The following SUB1 variants were observed in gnomAD, a reference collection of about 807,000 sequenced individuals.
SUB1 encodes SUB1 regulator of transcription.
SUB1 carries 1 observed loss-of-function variant against 16.9 expected under a neutral mutation model. That is an observed-to-expected ratio of 0.06 (90% CI 0.02 to 0.28). The LOEUF is 0.28. Among genes scored for constraint, SUB1 ranks in the 10% least tolerant of loss-of-function variants. The pLI, the probability that SUB1 is intolerant of heterozygous loss-of-function variation, is 1.00. For missense variants in SUB1, 84 were observed against 145.2 expected (o/e 0.58, Z 2.16); for synonymous variants, 51 against 46.9 (o/e 1.09, Z -0.36).
chr5:32,595,290 G>A (rs895355345), intron 3 of SUB1: 1 of 151,980 alleles, frequency 6.6e-6, no homozygotes, highest in Non-Finnish European at 1.5e-5. Flanking sequence ...ACACGCCTTT[G>A]TGGCCAGACC....
At chr5:32,587,206 C>T (rs1425085493) in intron 1 of SUB1, among the ~76,000 whole-genome samples, 1 of 151,968 alleles carries the variant, frequency 6.6e-6, no homozygotes, top group Non-Finnish European at 1.5e-5. Context: ...AAATTGCAAC[C>T]TCTGGCATAA....
intron 3 of SUB1, 74 bp from the exon 4 acceptor site, chr5:32,598,887 G>C (rs1320635818): frequency 8.6e-7 from 1 of 1,162,030 alleles, no homozygotes; most frequent in Admixed American, 2.0e-5. Context: ...GCAGCAAGTT[G>C]TGAATATGAA....
chr5:32,587,967 C>G (rs187818955), intron 1 of SUB1, among the ~76,000 whole-genome samples: 127 of 152,002 alleles, frequency 8.4e-4, no homozygotes, highest in African/African-American at 2.9e-3. Context: ...TTTGGTGATA[C>G]GGCCAAAAAG....
In SUB1 at chr5:32,602,535, A is replaced by G. The variant is rs1253219453; in HGVS notation, c.*1451A>G. 5.9e-6 allele frequency: 1 copy of G among 170,614 alleles called. No individual in the cohort carries two copies. Among genetic ancestry groups the G allele is most frequent in the Non-Finnish European group, 1.3e-5 (1 of 78,284 alleles). The allele number at this position is 170,614 out of a possible 1,614,324, so 10.6% of individuals were successfully genotyped here. On this transcript the variant is annotated 3_prime_UTR_variant, in exon 5 of 5. Transcript: ENST00000265073. The stretch of plus-strand genomic sequence containing the variant: ...TTGCACTATTTTGCTACCAAGTTTG[A>G]TTCATACATCTAAAACATTTTGTAG...
Position 32,602,390 on chromosome 5 carries a change from T to G in SUB1, c.*1306T>G. 1 of 274,290 alleles carries G rather than the reference T, an allele frequency of 3.6e-6. No individual in the cohort carries two copies. Among genetic ancestry groups the G allele is most frequent in the Non-Finnish European group, 7.4e-6 (1 of 135,972 alleles). The allele number at this position is 274,290 out of a possible 1,614,324, so 17.0% of individuals were successfully genotyped here. On this transcript the variant is annotated 3_prime_UTR_variant, in exon 5 of 5. Coordinates refer to ENST00000265073, the MANE Select transcript of SUB1 (RefSeq NM_006713.4). The stretch of plus-strand genomic sequence containing the variant: ...TTTTTATAACAGCAGTGGAACACAA[T>G]TCTAGGTAGAGTAGAAAAAGGAAAG...
At chr5:32,588,441 A>T in intron 1 of SUB1, 71 bp from the exon 2 acceptor site, 1 of 1,366,134 alleles carries the variant, frequency 7.3e-7, no homozygotes, top group Admixed American at 2.2e-5. Flanking sequence ...TTTTTCTTTG[A>T]TTGGGGGAGA....
At chr5:32,590,762 A>ATTTT (rs70961652) in intron 2 of SUB1, among the ~76,000 whole-genome samples, 1,374 of 33,946 alleles carry the variant, frequency 0.04, 305 homozygotes, top group African/African-American at 0.13. Context: ...CGCCTGGCTA[A>ATTTT]TTTTTTTTTT....
At chr5:32,594,960 A>G (rs1445321398) in intron 3 of SUB1, 2 of 153,886 alleles carry the variant, frequency 1.3e-5, no homozygotes, top group African/African-American at 2.4e-5. Context: ...TGTATATGCT[A>G]TTTTTTGCTG....
In SUB1 at chr5:32,599,744, T is replaced by C. The variant is rs559303804; in HGVS notation, c.304+675T>C. Among the ~76,000 whole-genome samples, 373 of 152,268 alleles carry C rather than the reference T, an allele frequency of 2.4e-3. 1 individual carries two copies. The highest frequency in any genetic ancestry group is 8.5e-3 in the African/African-American group (353 of 41,562). ...AACTCAGCCTCTATATGTGTTTATA[T>C]GCTTTCATATTTTCTTCAAGTCACT... On this transcript the variant is annotated intron_variant, in intron 4 of 4. Coordinates refer to ENST00000265073, the MANE Select transcript of SUB1 (RefSeq NM_006713.4).
At chr5:32,591,532 G>A in intron 2 of SUB1, 31 bp from the exon 3 acceptor site, 2 of 1,567,728 alleles carry the variant, frequency 1.3e-6, no homozygotes, top group Non-Finnish European at 1.7e-6. Context: ...TTATTTTTAT[G>A]TGTGCAAATT....
intron 4 of SUB1, among the ~76,000 whole-genome samples, chr5:32,599,587 T>C (rs547831329): frequency 4.6e-5 from 7 of 152,230 alleles, no homozygotes; most frequent in South Asian, 2.1e-4. Flanking sequence ...CCTAAATTTG[T>C]ATATTTGGAT....
intron 3 of SUB1, 171 bp from the exon 4 acceptor site, chr5:32,598,790 G>T: frequency 2.3e-6 from 1 of 428,276 alleles, no homozygotes. Flanking sequence ...AAAAAAATAT[G>T]CATATAAGTG....
intron 3 of SUB1, among the ~76,000 whole-genome samples, chr5:32,592,715 A>G (rs1170978179): frequency 6.6e-6 from 1 of 152,192 alleles, no homozygotes; most frequent in African/African-American, 2.4e-5. Flanking sequence ...TGTGATTGAA[A>G]AAAAAAATGG....
chr5:32,603,710 T>C lies in SUB1; in HGVS notation c.*2626T>C, dbSNP rs535201598. The C allele has an allele frequency of 1.3e-5, 2 of 152,338 alleles. No homozygotes were observed. Among genetic ancestry groups the C allele is most frequent in the Middle Eastern group, 6.8e-3 (2 of 294 alleles). The allele number at this position is 152,338 out of a possible 1,614,324, so 9.4% of individuals were successfully genotyped here. A position where few individuals can be genotyped will look rare whatever the true frequency, so the allele number is the denominator to read the frequency against. Reference sequence around the variant, plus strand: ...ACTTGGGTGAAAAATGAAATAAGTATATTCTGACTTGGCTATTGAGGGGAA... The same window carrying C: ...ACTTGGGTGAAAAATGAAATAAGTACATTCTGACTTGGCTATTGAGGGGAA... On this transcript the variant is annotated 3_prime_UTR_variant, in exon 5 of 5. Coordinates refer to ENST00000265073, the MANE Select transcript of SUB1 (RefSeq NM_006713.4).
chr5:32,591,702 T>C lies in SUB1; in HGVS notation c.195+17T>C. On this transcript the variant is annotated intron_variant, in intron 3 of 4. Transcript: ENST00000265073. ...ATGTTTCAGGTAAAGTTGGCTATTTTTTTTTTTTTTTTTTTTGACATGGAG... is the reference window on the plus strand; with the variant it reads ...ATGTTTCAGGTAAAGTTGGCTATTTCTTTTTTTTTTTTTTTTGACATGGAG... 1 of 1,202,368 alleles carries C rather than the reference T, an allele frequency of 8.3e-7. No homozygotes were observed. The highest frequency in any genetic ancestry group is 1.1e-6 in the Non-Finnish European group (1 of 881,520). 74.5% of individuals were successfully genotyped at this position (1,202,368 alleles called of 1,614,324 possible).
intron 1 of SUB1, 126 bp from the exon 2 acceptor site, chr5:32,588,386 G>A (rs1032153976): frequency 2.5e-6 from 2 of 814,954 alleles, no homozygotes; most frequent in Admixed American, 2.8e-5. Context: ...TAACAACTCA[G>A]TACCACAAAA....
intron 1 of SUB1, chr5:32,586,244 T>C (rs1738665101): frequency 1.3e-5 from 2 of 152,236 alleles, no homozygotes; most frequent in South Asian, 2.1e-4. Context: ...TTCTAGCGGC[T>C]TGCTGGGGCC....
intron 3 of SUB1, among the ~76,000 whole-genome samples, chr5:32,592,445 T>A (rs1282631172): frequency 1.3e-5 from 2 of 152,222 alleles, no homozygotes; most frequent in Non-Finnish European, 2.9e-5. Flanking sequence ...TAGCTTTTTC[T>A]CTTGGGTTTC....
chr5:32,600,855 T>C, intron 4 of SUB1, 150 bp from the exon 5 acceptor site: 7 of 608,922 alleles, frequency 1.1e-5, no homozygotes, highest in South Asian at 1.6e-5. Context: ...TCCACCCGCC[T>C]TGGCCTCCCA....
Sources: gnomAD v4.1 joint callset for allele counts (sites outside exome capture counted in the v4.1 genomes callset) on GRCh38, gnomAD v4.1.1 for gene constraint, MANE v1.5 for transcripts, NCBI Gene and HGNC (gene_info 2026-07-23, HGNC 2026-07-21) for gene names.